IPO11: variants seen among roughly 807,000 people sequenced by gnomAD.
IPO11 encodes importin 11.
A neutral mutation model predicts 143.2 loss-of-function variants in IPO11; 66 were observed. That is an observed-to-expected ratio of 0.46 (90% CI 0.38 to 0.57). The LOEUF is 0.57. Among genes scored for constraint, IPO11 ranks in the 20% least tolerant of loss-of-function variants. IPO11 has a pLI of 0.00. For synonymous variants in IPO11, 385 were observed against 377.8 expected, an observed-to-expected ratio of 1.02 and a Z score of -0.22; for missense variants, 1,026 against 1,141.0, an observed-to-expected ratio of 0.90 and a Z score of 1.45.
intron 27 of IPO11, among the ~76,000 whole-genome samples, chr5:62,569,977 A>G (rs1744080821): frequency 6.6e-6 from 1 of 152,172 alleles, no homozygotes; most frequent in Non-Finnish European, 1.5e-5. Context: ...TTTTTTGTAT[A>G]AGCTATGCAT....
At chr5:62,476,816 A>C in intron 9 of IPO11, 63 bp downstream of exon 9, 1 of 1,403,260 alleles carries the variant, frequency 7.1e-7, no homozygotes, top group South Asian at 1.5e-5. Context: ...ACAAAGGAAA[A>C]TGATATTTTT....
intron 3 of IPO11, among the ~76,000 whole-genome samples, chr5:62,444,689 C>T (rs1403242343): frequency 1.3e-5 from 2 of 151,742 alleles, no homozygotes; most frequent in South Asian, 2.1e-4. Context: ...CCCAACATGG[C>T]GAAACCCCAC....
chr5:62,505,639 A>G (rs1004323837), intron 18 of IPO11, among the ~76,000 whole-genome samples: 1 of 152,112 alleles, frequency 6.6e-6, no homozygotes, highest in Non-Finnish European at 1.5e-5. Context: ...TGTAAGTGTG[A>G]TTTGTTAAGT....
chr5:62,493,106 C>T (rs1170540562), intron 15 of IPO11, among the ~76,000 whole-genome samples: 2 of 152,172 alleles, frequency 1.3e-5, no homozygotes, highest in African/African-American at 4.8e-5. Context: ...ATATGTGCTA[C>T]TGTAAATGTT....
At chr5:62,421,946 C>T (rs1458001384) in intron 1 of IPO11, among the ~76,000 whole-genome samples, 1 of 152,160 alleles carries the variant, frequency 6.6e-6, no homozygotes, top group African/African-American at 2.4e-5. Flanking sequence ...TCGAAGATGT[C>T]TATATTTGGA....
At chr5:62,465,926 A>G (rs147280920) in intron 5 of IPO11, among the ~76,000 whole-genome samples, 183 of 152,364 alleles carry the variant, frequency 1.2e-3, no homozygotes, top group Non-Finnish European at 2.1e-3. Flanking sequence ...GACTTGTGGG[A>G]TGCCTAATTG....
chr5:62,601,564 G>A (rs923759230), intron 28 of IPO11, among the ~76,000 whole-genome samples, 200 bp from the exon 29 acceptor site: 3 of 152,040 alleles, frequency 2.0e-5, no homozygotes, highest in African/African-American at 7.2e-5. Context: ...ATGTTTTAGT[G>A]TGGCCCTTTT....
At chr5:62,614,553 C>T (rs545827916) in intron 29 of IPO11, among the ~76,000 whole-genome samples, 8 of 152,266 alleles carry the variant, frequency 5.3e-5, no homozygotes, top group African/African-American at 7.2e-5. Flanking sequence ...GCAGGATATG[C>T]GACAGGGGTG....
intron 24 of IPO11, among the ~76,000 whole-genome samples, chr5:62,548,685 A>G (rs781073442): frequency 2.0e-5 from 3 of 152,122 alleles, no homozygotes; most frequent in African/African-American, 7.2e-5. Context: ...TCCCAAAAGT[A>G]TAAGATTCTG....
At chr5:62,426,780 T>C (rs1743757118) in intron 1 of IPO11, among the ~76,000 whole-genome samples, 2 of 149,508 alleles carry the variant, frequency 1.3e-5, no homozygotes, top group African/African-American at 4.9e-5. Flanking sequence ...TTATTTTGTA[T>C]AGTATTATAT....
chr5:62,547,260 T>C (rs924821357), intron 24 of IPO11, among the ~76,000 whole-genome samples: 5 of 152,142 alleles, frequency 3.3e-5, no homozygotes, highest in African/African-American at 1.2e-4. Context: ...ATATGAATAG[T>C]AGATAGAAAT....
intron 27 of IPO11, among the ~76,000 whole-genome samples, chr5:62,586,952 TCAAAC>T (rs1398645694): frequency 6.6e-6 from 1 of 151,542 alleles, no homozygotes; most frequent in Non-Finnish European, 1.5e-5. Context: ...AAGTAACTAT[TCAAAC>T]CAAGTGTTTT....
At chr5:62,587,228 G>A (rs1247370357) in intron 27 of IPO11, among the ~76,000 whole-genome samples, 2 of 152,022 alleles carry the variant, frequency 1.3e-5, no homozygotes, top group Non-Finnish European at 2.9e-5. Context: ...GTAAGCAGGG[G>A]AATGGTTTAG....
chr5:62,607,351 C>T (rs1745761389), intron 29 of IPO11, among the ~76,000 whole-genome samples: 1 of 151,590 alleles, frequency 6.6e-6, no homozygotes, highest in African/African-American at 2.4e-5. Context: ...AACAGGGCAC[C>T]CTGTGGTAGT....
chr5:62,415,188 C>T (rs972049813), intron 1 of IPO11, among the ~76,000 whole-genome samples: 2 of 151,998 alleles, frequency 1.3e-5, no homozygotes. Context: ...TTTTTTGAGG[C>T]GGGGTCTCAC....
chr5:62,542,017 A>C (rs778050510), intron 24 of IPO11, among the ~76,000 whole-genome samples: 2 of 152,118 alleles, frequency 1.3e-5, no homozygotes, highest in African/African-American at 4.8e-5. Context: ...GTTTGATTCC[A>C]GCCTTCTGCA....
In IPO11 at chr5:62,472,285, A is replaced by G. The variant is rs1185520905; in HGVS notation, c.708+1977A>G. Among the ~76,000 whole-genome samples the G allele has an allele frequency of 3.3e-5, 5 of 152,296 alleles. No homozygotes were observed. In the East Asian group the frequency reaches 9.6e-4, roughly 29 times the overall value. On this transcript the variant is annotated intron_variant, in intron 7 of 29. Coordinates refer to ENST00000325324, the MANE Select transcript of IPO11 (RefSeq NM_016338.5). ...TTATATTAACCAGAATATTATGTTT[A>G]TCTTTTTTTAAGTGAAAATGAATTG...
intron 24 of IPO11, among the ~76,000 whole-genome samples, chr5:62,543,358 T>C (rs949733776): frequency 6.6e-6 from 1 of 152,228 alleles, no homozygotes; most frequent in African/African-American, 2.4e-5. Context: ...TGCCTCAATT[T>C]CAGAGCCTGT....
At chr5:62,485,179 T>C (rs1746354475) in intron 11 of IPO11, among the ~76,000 whole-genome samples, 1 of 152,154 alleles carries the variant, frequency 6.6e-6, no homozygotes. Flanking sequence ...CCATAAAGAA[T>C]TTTTATCGAA....
Sources: allele counts gnomAD v4.1 joint callset (sites outside exome capture counted in the v4.1 genomes callset), GRCh38; gene constraint gnomAD v4.1.1; transcripts MANE v1.5; gene names NCBI Gene and HGNC (gene_info 2026-07-23, HGNC 2026-07-21).